Variants in MAF observed in about 807,000 individuals in gnomAD.
The protein encoded by MAF is transcription factor Maf.
MAF carries 10 observed loss-of-function variants against 22.0 expected under a neutral mutation model. The ratio of observed to expected loss-of-function variants is 0.45; its 90% CI spans 0.28 to 0.77. The LOEUF (loss-of-function observed/expected upper bound fraction) is 0.77. Ranked by LOEUF, MAF falls within the 30% of genes least tolerant of loss-of-function variation. MAF has a pLI of 0.12. For missense variants in MAF, 544 were observed against 548.4 expected, an observed-to-expected ratio of 0.99 and a Z score of 0.08; for synonymous variants, 337 against 255.8, an observed-to-expected ratio of 1.32 and a Z score of -3.03.
chr16:79,212,270 C>G, the MAF span: 1 of 1,255,666 alleles, frequency 8.0e-7, no homozygotes, highest in Non-Finnish European at 1.1e-6. Context: ...TTTCATTCAT[C>G]CTGACCAAGA....
chr16:79,577,642 T>A, the MAF span, among the ~76,000 whole-genome samples: 1 of 152,190 alleles, frequency 6.6e-6, no homozygotes. Flanking sequence ...CTCTAACTCC[T>A]GACATGCTGG....
chr16:79,590,201 T>A (rs916195263), downstream of MAF, among the ~76,000 whole-genome samples: 2 of 151,314 alleles, frequency 1.3e-5, no homozygotes, highest in Admixed American at 6.6e-5. Context: ...CCGGGCCAGG[T>A]TGGCGGAGGG....
At chr16:79,293,837 A>AAG in the MAF span, among the ~76,000 whole-genome samples, 8,975 of 148,286 alleles carry the variant, frequency 0.061, 337 homozygotes, top group African/African-American at 0.12. Context: ...TCTAAATGAA[A>AAG]AGAGAGAGAG....
chr16:79,428,096 TA>T, the MAF span, among the ~76,000 whole-genome samples: 171 of 104,106 alleles, frequency 1.6e-3, no homozygotes, highest in Middle Eastern at 7.5e-3. Flanking sequence ...CGACTCAAAT[TA>T]AAAAAAAAAA....
chr16:79,311,460 C>G, the MAF span, among the ~76,000 whole-genome samples: 1 of 147,542 alleles, frequency 6.8e-6, no homozygotes, highest in Non-Finnish European at 1.5e-5. Flanking sequence ...ATGGGCATCA[C>G]AGTTTTACAA....
the MAF span, among the ~76,000 whole-genome samples, chr16:79,247,406 A>G: frequency 6.6e-6 from 1 of 152,190 alleles, no homozygotes; most frequent in African/African-American, 2.4e-5. Context: ...CTTGCCGATG[A>G]TCTCAATGGC....
At chr16:79,241,588 G>C in the MAF span, among the ~76,000 whole-genome samples, 1 of 152,066 alleles carries the variant, frequency 6.6e-6, no homozygotes, top group Non-Finnish European at 1.5e-5. Flanking sequence ...GAAAGTGACG[G>C]GGAGAATGGA....
At chr16:79,244,489 C>T in the MAF span, among the ~76,000 whole-genome samples, 1 of 151,916 alleles carries the variant, frequency 6.6e-6, no homozygotes, top group Non-Finnish European at 1.5e-5. Context: ...GAATAAAATA[C>T]CTAGGAATAC....
the MAF span, among the ~76,000 whole-genome samples, chr16:79,234,782 C>T: frequency 6.6e-6 from 1 of 152,126 alleles, no homozygotes; most frequent in African/African-American, 2.4e-5. Flanking sequence ...CTAAGCCAGT[C>T]CTGCCTGAGG....
the MAF span, among the ~76,000 whole-genome samples, chr16:79,364,181 G>C: frequency 1.4e-3 from 206 of 152,230 alleles, 1 homozygote; most frequent in Non-Finnish European, 2.6e-3. Flanking sequence ...GGGAGCCCAG[G>C]GCAAATGTTA....
At chr16:79,439,532 T>C in the MAF span, among the ~76,000 whole-genome samples, 1 of 152,166 alleles carries the variant, frequency 6.6e-6, no homozygotes, top group African/African-American at 2.4e-5. Context: ...AGTGCCGGGA[T>C]TACAGGTGTG....
intron 1 of MAF, chr16:79,597,386 A>C: frequency 1.9e-6 from 2 of 1,035,004 alleles, no homozygotes; most frequent in Non-Finnish European, 2.3e-6. Context: ...AAAACAAACC[A>C]AAAATAATGG....
chr16:79,353,968 G>C, the MAF span, among the ~76,000 whole-genome samples: 1 of 152,016 alleles, frequency 6.6e-6, no homozygotes, highest in Non-Finnish European at 1.5e-5. Context: ...GATAAGTGGG[G>C]TAGAGACACA....
chr16:79,571,639 T>C, the MAF span, among the ~76,000 whole-genome samples: 2 of 150,970 alleles, frequency 1.3e-5, no homozygotes, highest in Non-Finnish European at 2.9e-5. Flanking sequence ...CTGCATCCTG[T>C]AGGCCAAACG....
At chr16:79,307,420 C>T in the MAF span, among the ~76,000 whole-genome samples, 5,458 of 152,326 alleles carry the variant, frequency 0.036, 116 homozygotes, top group East Asian at 0.051. Context: ...CTTCTGCTTT[C>T]GAGCCTGGCT....
chr16:79,550,939 A>G, the MAF span, among the ~76,000 whole-genome samples: 1 of 151,808 alleles, frequency 6.6e-6, no homozygotes, highest in Non-Finnish European at 1.5e-5. Context: ...GCCACTGCAG[A>G]CTCTTTCCAC....
chr16:79,208,835 G>C, the MAF span, among the ~76,000 whole-genome samples: 6 of 152,230 alleles, frequency 3.9e-5, no homozygotes, highest in Admixed American at 1.3e-4. Flanking sequence ...CCATTGGTAC[G>C]GCTGAAAATT....
At chr16:79,463,100 G>A in the MAF span, among the ~76,000 whole-genome samples, 6 of 152,270 alleles carry the variant, frequency 3.9e-5, no homozygotes, top group Admixed American at 2.6e-4. Flanking sequence ...ACCCAGCCGA[G>A]GCAGAAGGAA....
the MAF span, among the ~76,000 whole-genome samples, chr16:79,513,623 T>C: frequency 0.41 from 62,677 of 152,102 alleles, 14,013 homozygotes; most frequent in East Asian, 0.71. Flanking sequence ...TTGCGGAATC[T>C]CAGGCAAGTT....
Sources: allele counts gnomAD v4.1 joint callset (sites outside exome capture counted in the v4.1 genomes callset), GRCh38; gene constraint gnomAD v4.1.1; transcripts MANE v1.5; gene names NCBI Gene and HGNC (gene_info 2026-07-23, HGNC 2026-07-21).